PHC3: variants seen among roughly 807,000 people sequenced by gnomAD.
PHC3 encodes the protein polyhomeotic homolog 3.
Under a neutral mutation model 107.4 loss-of-function variants are expected in PHC3, and 13 were observed. That is an observed-to-expected ratio of 0.12 (90% CI 0.08 to 0.19). The LOEUF is 0.19. Ranked by LOEUF, PHC3 falls within the 10% of genes least tolerant of loss-of-function variation. PHC3 has a pLI of 1.00. For missense variants in PHC3, 992 were observed against 1,210.9 expected (o/e 0.82, Z 2.68); for synonymous variants, 456 against 427.4 (o/e 1.07, Z -0.83).
At chr3:170,175,568 C>G (rs1182203732) in intron 2 of PHC3, among the ~76,000 whole-genome samples, 2 of 142,530 alleles carry the variant, frequency 1.4e-5, no homozygotes, top group Admixed American at 1.4e-4. Flanking sequence ...CCCAGGGGGT[C>G]GTGAGTTGTG....
chr3:170,099,428 C>T (rs551315619), intron 14 of PHC3, among the ~76,000 whole-genome samples: 1 of 152,200 alleles, frequency 6.6e-6, no homozygotes, highest in Admixed American at 6.5e-5. Context: ...TCCAGAATCT[C>T]ATTACAGAAA....
At chr3:170,145,749 A>T (rs939167433) in intron 5 of PHC3, among the ~76,000 whole-genome samples, 1 of 152,256 alleles carries the variant, frequency 6.6e-6, no homozygotes, top group Non-Finnish European at 1.5e-5. Flanking sequence ...GAGTGCAAAA[A>T]AAAGCAGTAC....
rs1195431668 is a variant in PHC3 at position 170,092,711 on chromosome 3, A to G, written c.*4519T>C. 1.3e-5 allele frequency: 2 copies of G among 152,212 alleles called. No homozygotes were observed. Among genetic ancestry groups the G allele is most frequent in the East Asian group, 1.9e-4 (1 of 5,200 alleles). 9.4% of individuals were successfully genotyped at this position (152,212 alleles called of 1,614,324 possible). ...ACTCTGTAATTCTGGCAACTCAATT[A>G]CAACAACCTTTGAATTTTTGACAAA... is the stretch of plus-strand genomic sequence containing the variant. On this transcript the variant is annotated 3_prime_UTR_variant, in exon 15 of 15. Coordinates refer to ENST00000495893, the MANE Select transcript of PHC3 (RefSeq NM_024947.4).
intron 8 of PHC3, 96 bp downstream of exon 8, chr3:170,128,588 C>G: frequency 1.4e-6 from 2 of 1,405,340 alleles, no homozygotes; most frequent in Non-Finnish European, 1.9e-6. Context: ...TTTTTTAGTT[C>G]ACAGGCATTT....
At chr3:170,151,171 A>T (rs940098677) in intron 4 of PHC3, among the ~76,000 whole-genome samples, 10 of 152,208 alleles carry the variant, frequency 6.6e-5, no homozygotes, top group Non-Finnish European at 1.3e-4. Context: ...AGATCACGCC[A>T]CTACACTCCA....
intron 9 of PHC3, among the ~76,000 whole-genome samples, chr3:170,120,079 A>C (rs193154168): frequency 6.6e-6 from 1 of 152,302 alleles, no homozygotes; most frequent in Non-Finnish European, 1.5e-5. Flanking sequence ...TTTGTAATTA[A>C]ATCACAACTA....
chr3:170,120,491 TGAAC>T (rs1720052413), intron 9 of PHC3, among the ~76,000 whole-genome samples: 1 of 151,782 alleles, frequency 6.6e-6, no homozygotes, highest in Admixed American at 6.6e-5. Context: ...GAGAATCACT[TGAAC>T]CCAGGAGGCG....
chr3:170,129,721 C>CA (rs1560066958), intron 7 of PHC3, among the ~76,000 whole-genome samples, 169 bp from the exon 8 acceptor site: 2 of 150,702 alleles, frequency 1.3e-5, no homozygotes, highest in Non-Finnish European at 3.0e-5. Flanking sequence ...TTTTTTGAGA[C>CA]AGAGTCTTGC....
In PHC3 at chr3:170,171,414, T is replaced by C; in HGVS notation, c.373A>G (p.Thr125Ala). ...LSSGRPSTSPTGSVTQQSSMS... is the reference protein window; with the variant it reads ...LSSGRPSTSPAGSVTQQSSMS... ...CTTGACTGCTGTGTGACACTTCCTGTGGGAGATGTAGATGGTCTTCCACTG... is the reference window on the plus strand; with the variant it reads ...CTTGACTGCTGTGTGACACTTCCTGCGGGAGATGTAGATGGTCTTCCACTG... The change falls in exon 4 of 15, where the codon ACA becomes GCA. Residue 125 changes from threonine (T) to alanine (A), a missense_variant. Physicochemically the swap from Thr to Ala is moderately conservative, Grantham distance 58. Transcript: ENST00000495893. 1.2e-6 allele frequency: 2 copies of C among 1,607,746 alleles called. No individual in the cohort carries two copies. Among genetic ancestry groups the C allele is most frequent in the Non-Finnish European group, 1.7e-6 (2 of 1,177,830 alleles).
intron 12 of PHC3, among the ~76,000 whole-genome samples, chr3:170,103,568 T>C (rs866164268): frequency 6.6e-6 from 1 of 152,248 alleles, no homozygotes; most frequent in Non-Finnish European, 1.5e-5. Flanking sequence ...TTTTTGAACA[T>C]AGACCTTTAT....
intron 5 of PHC3, among the ~76,000 whole-genome samples, chr3:170,147,071 T>C (rs1281911652): frequency 2.0e-5 from 3 of 151,570 alleles, no homozygotes; most frequent in Admixed American, 1.3e-4. Flanking sequence ...GGTTTCTCCA[T>C]GTTGGTCAGG....
chr3:170,118,536 C>T (rs936924621), intron 9 of PHC3, among the ~76,000 whole-genome samples: 37 of 152,242 alleles, frequency 2.4e-4, no homozygotes, highest in African/African-American at 7.9e-4. Flanking sequence ...CTCAGCCTCC[C>T]GAGTAGCTGG....
chr3:170,178,207 G>C (rs1180117218), intron 2 of PHC3, among the ~76,000 whole-genome samples: 1 of 149,728 alleles, frequency 6.7e-6, no homozygotes, highest in African/African-American at 2.5e-5. Context: ...GCTGTGGCGC[G>C]ATCTCCGCTC....
intron 4 of PHC3, among the ~76,000 whole-genome samples, chr3:170,153,113 C>T (rs1490605828): frequency 1.3e-5 from 2 of 152,154 alleles, no homozygotes; most frequent in Non-Finnish European, 2.9e-5. Context: ...GTATCCTTTA[C>T]CAGCTCAAAT....
At chr3:170,179,441 TTC>T (rs901346055) in intron 1 of PHC3, among the ~76,000 whole-genome samples, 8 of 152,238 alleles carry the variant, frequency 5.3e-5, no homozygotes, top group African/African-American at 1.9e-4. Context: ...TAAAAATAAG[TTC>T]TTTTTAAAAA....
At position 170,096,080 on chromosome 3, in the gene PHC3, G is replaced by A. The variant is rs759978976; in HGVS notation, c.*1150C>T. On this transcript the variant is annotated 3_prime_UTR_variant, in exon 15 of 15. Coordinates refer to ENST00000495893, the MANE Select transcript of PHC3 (RefSeq NM_024947.4). ...ATAGGTATAATCATATTATGTCTTCGTCAGTGCAGAGGAGCACAGAGGTAT... is the reference window on the plus strand; with the variant it reads ...ATAGGTATAATCATATTATGTCTTCATCAGTGCAGAGGAGCACAGAGGTAT... The A allele has an allele frequency of 1.7e-4, 26 of 152,260 alleles. No individual in the cohort carries two copies. The highest frequency in any genetic ancestry group is 2.2e-4 in the Non-Finnish European group (15 of 68,012). 9.4% of individuals were successfully genotyped at this position (152,260 alleles called of 1,614,324 possible).
At position 170,164,830 on chromosome 3, in the gene PHC3, C is replaced by A. The variant is rs117137466; in HGVS notation, c.414+6543G>T. On this transcript the variant is annotated intron_variant, in intron 4 of 14. Transcript: ENST00000495893. ...AAGGACCAGGAAGGGCACAGCCGTGCAACACAGAAAACTTTTAGACAATAA... is the reference window on the plus strand; with the variant it reads ...AAGGACCAGGAAGGGCACAGCCGTGAAACACAGAAAACTTTTAGACAATAA... Among the ~76,000 whole-genome samples, 593 of 152,278 alleles carry A rather than the reference C, an allele frequency of 3.9e-3. 20 individuals are homozygous for A. In the East Asian group the frequency reaches 0.098, roughly 25 times the overall value.
chr3:170,129,336 G>A lies in PHC3; in HGVS notation c.1136C>T (p.Ala379Val), dbSNP rs373450942. The A allele has an allele frequency of 3.7e-6, 6 of 1,613,848 alleles. No individual in the cohort carries two copies. The highest frequency in any genetic ancestry group is 1.3e-5 in the African/African-American group (1 of 74,920). The change falls in exon 8 of 15, where the codon GCC (alanine) becomes GTC (valine). Residue 379 changes from alanine to valine, a missense_variant. By Grantham distance (64) the Ala-to-Val change is moderately conservative. Around this residue, in one of 6 missense-constraint regions of PHC3, gnomAD observed 543 missense variants for 590.8 expected, o/e 0.92. Transcript: ENST00000495893. ...AATCGGTGAACAATGCTGTGACTGG[G>A]CATTACTGGGAGCTGGAGGAAGGCC... ...NHGLPPAPSN[A>V]QSQHCSPIQS...
At chr3:170,178,209 T>G (rs1730819806) in intron 2 of PHC3, among the ~76,000 whole-genome samples, 1 of 150,272 alleles carries the variant, frequency 6.7e-6, no homozygotes, top group African/African-American at 2.5e-5. Context: ...TGTGGCGCGA[T>G]CTCCGCTCAC....
Sources: gnomAD v4.1 joint callset for allele counts (sites outside exome capture counted in the v4.1 genomes callset) on GRCh38, gnomAD v4.1.1 for gene constraint, gnomAD v4.1.1 regional missense constraint, MANE v1.5 for transcripts, NCBI Gene and HGNC (gene_info 2026-07-23, HGNC 2026-07-21) for gene names.